Variants in NEK11 observed in about 807,000 individuals in gnomAD.
The protein encoded by NEK11 is serine/threonine-protein kinase Nek11.
NEK11 carries 72 observed loss-of-function variants against 80.7 expected under a neutral mutation model. The observed-to-expected ratio is 0.89, with a 90% CI of 0.74 to 1.08. The LOEUF is 1.08. Among genes scored for constraint, NEK11 ranks in the 50% least tolerant of loss-of-function variants. NEK11 has a pLI of 0.00. For synonymous variants in NEK11, 251 were observed against 260.7 expected, an observed-to-expected ratio of 0.96 and a Z score of 0.36; for missense variants, 764 against 763.6, an observed-to-expected ratio of 1.00 and a Z score of -0.01.
At chr3:131,097,184 G>T (rs1461399021) in intron 4 of NEK11, among the ~76,000 whole-genome samples, 1 of 151,890 alleles carries the variant, frequency 6.6e-6, no homozygotes, top group Admixed American at 6.6e-5. Flanking sequence ...GAATAGGGCT[G>T]CAATAAACAT....
chr3:131,174,932 C>T (rs2092921965), intron 14 of NEK11: 1 of 1,426,540 alleles, frequency 7.0e-7, no homozygotes, highest in Non-Finnish European at 9.2e-7. Context: ...CCAGCTGTCA[C>T]CTCTTCATTT....
chr3:131,216,010 T>G (rs1171998845), intron 14 of NEK11, among the ~76,000 whole-genome samples: 1 of 152,252 alleles, frequency 6.6e-6, no homozygotes, highest in Non-Finnish European at 1.5e-5. Flanking sequence ...CTAGTGCAAC[T>G]GAATTTGTCA....
chr3:131,228,559 G>A lies in NEK11; in HGVS notation c.1431G>A (p.Glu477=), dbSNP rs1259363339. 5 of 1,613,094 alleles carry A rather than the reference G, an allele frequency of 3.1e-6. No individual in the cohort carries two copies. In the East Asian group the frequency reaches 1.1e-4, roughly 36 times the overall value. Reference sequence around the variant, plus strand: ...CAGAAGACCCACTTGTGGCTGAAGAGTACTACGCTGATGCATTTGATTCCT... The same window carrying A: ...CAGAAGACCCACTTGTGGCTGAAGAATACTACGCTGATGCATTTGATTCCT... The part of the protein sequence containing the change: ...EIPEDPLVAE[E]YYADAFDSYC... The change falls in exon 15 of 18, where the codon GAG becomes GAA. Residue 477 remains glutamate, a synonymous_variant. Coordinates refer to ENST00000383366, the MANE Select transcript of NEK11 (RefSeq NM_024800.5).
At chr3:131,260,896 G>T (rs1409432173) in intron 16 of NEK11, among the ~76,000 whole-genome samples, 2 of 152,140 alleles carry the variant, frequency 1.3e-5, no homozygotes, top group Non-Finnish European at 2.9e-5. Flanking sequence ...AGTAAGCAAT[G>T]TCTCAGGTGC....
chr3:131,272,460 CTTCTTTTTTTTTTT>C (rs1180779250), intron 16 of NEK11, among the ~76,000 whole-genome samples: 1 of 56,426 alleles, frequency 1.8e-5, no homozygotes, highest in Non-Finnish European at 3.9e-5. Flanking sequence ...CCAGTTTTAG[CTTCTTTTTTTTTTT>C]TTTTTTTTTT....
chr3:131,138,749 G>T (rs563914974), intron 7 of NEK11, among the ~76,000 whole-genome samples: 3 of 152,252 alleles, frequency 2.0e-5, no homozygotes, highest in East Asian at 1.9e-4. Flanking sequence ...GTAATCCAAA[G>T]AATTATTCTG....
intron 14 of NEK11, among the ~76,000 whole-genome samples, chr3:131,186,399 GC>G (rs1453507515): frequency 2.0e-4 from 30 of 152,116 alleles, no homozygotes; most frequent in Admixed American, 9.2e-4. Flanking sequence ...TCTGTAGACA[GC>G]CCCCAGAATT....
intron 14 of NEK11, among the ~76,000 whole-genome samples, chr3:131,193,794 CA>C (rs1579929958): frequency 6.6e-6 from 1 of 152,132 alleles, no homozygotes; most frequent in Non-Finnish European, 1.5e-5. Context: ...TGATGAAGTA[CA>C]ATCATTTACT....
At chr3:131,122,614 G>A (rs1185177763) in intron 5 of NEK11, among the ~76,000 whole-genome samples, 2 of 152,218 alleles carry the variant, frequency 1.3e-5, no homozygotes, top group East Asian at 3.9e-4. Context: ...GGCAAGAAGA[G>A]TTTGTGATCC....
chr3:131,145,498 C>A (rs1196468966), intron 7 of NEK11, among the ~76,000 whole-genome samples: 1 of 152,080 alleles, frequency 6.6e-6, no homozygotes. Flanking sequence ...CCTATATTTG[C>A]CGTGGTGTGA....
At chr3:131,183,798 C>T (rs1209380760) in intron 14 of NEK11, among the ~76,000 whole-genome samples, 4 of 152,108 alleles carry the variant, frequency 2.6e-5, no homozygotes, top group African/African-American at 9.7e-5. Context: ...TGGGTATATA[C>T]TGGTAATGGG....
intron 14 of NEK11, among the ~76,000 whole-genome samples, chr3:131,226,482 A>C (rs1479492586): frequency 6.6e-6 from 1 of 152,204 alleles, no homozygotes; most frequent in Non-Finnish European, 1.5e-5. Context: ...ACACCATGCA[A>C]TACTACTCAG....
chr3:131,211,707 T>G (rs1048442344), intron 14 of NEK11, among the ~76,000 whole-genome samples: 2 of 152,222 alleles, frequency 1.3e-5, no homozygotes, highest in African/African-American at 4.8e-5. Flanking sequence ...TCTTGCTTCA[T>G]TTCACTCATT....
chr3:131,166,729 A>G (rs559431574), intron 12 of NEK11, among the ~76,000 whole-genome samples: 1 of 152,262 alleles, frequency 6.6e-6, no homozygotes, highest in East Asian at 1.9e-4. Context: ...TTTCCTGCTC[A>G]GGGAACTTGG....
chr3:131,288,671 C>T (rs967833326), intron 17 of NEK11, among the ~76,000 whole-genome samples: 12 of 152,034 alleles, frequency 7.9e-5, no homozygotes, highest in African/African-American at 2.7e-4. Flanking sequence ...TGACTTGTCT[C>T]GAACTCCCGA....
chr3:131,130,215 A>G (rs962892640), intron 5 of NEK11, among the ~76,000 whole-genome samples: 5 of 152,298 alleles, frequency 3.3e-5, no homozygotes, highest in Non-Finnish European at 5.9e-5. Context: ...AGTTTGATAT[A>G]AATGTCAAAT....
intron 13 of NEK11, 28 bp from the exon 14 acceptor site, chr3:131,170,745 T>G: frequency 7.3e-7 from 1 of 1,368,290 alleles, no homozygotes; most frequent in Middle Eastern, 1.8e-4. Flanking sequence ...TATCAGCATC[T>G]CATGAATTGT....
intron 10 of NEK11, among the ~76,000 whole-genome samples, chr3:131,161,037 G>T (rs1048608235): frequency 6.6e-6 from 1 of 151,798 alleles, no homozygotes; most frequent in African/African-American, 2.4e-5. Context: ...ACAAAAATTA[G>T]CTGGGCGTGG....
At chr3:131,090,845 G>T (rs2076630718) in intron 4 of NEK11, among the ~76,000 whole-genome samples, 1 of 152,118 alleles carries the variant, frequency 6.6e-6, no homozygotes, top group African/African-American at 2.4e-5. Flanking sequence ...GCTCACTGCA[G>T]CCTCAATCTC....
Sources: allele counts gnomAD v4.1 joint callset (sites outside exome capture counted in the v4.1 genomes callset), GRCh38; gene constraint gnomAD v4.1.1; transcripts MANE v1.5; gene names NCBI Gene and HGNC (gene_info 2026-07-23, HGNC 2026-07-21).